Variants in NUDCD3 observed in about 807,000 individuals in gnomAD.
NUDCD3 encodes nudC domain-containing protein 3.
NUDCD3 carries 13 observed loss-of-function variants against 39.7 expected under a neutral mutation model. The observed-to-expected ratio is 0.33, with a 90% CI of 0.21 to 0.52. The LOEUF (loss-of-function observed/expected upper bound fraction) is 0.52, where lower values mean the gene tolerates loss of function less well. NUDCD3 is among the 20% of genes least tolerant of loss of function. NUDCD3 has a pLI of 0.96. For missense variants in NUDCD3, 453 were observed against 458.1 expected, an observed-to-expected ratio of 0.99 and a Z score of 0.10; for synonymous variants, 175 against 172.4, an observed-to-expected ratio of 1.02 and a Z score of -0.12.
At chr7:44,414,089 G>C (rs192570102) in intron 3 of NUDCD3, among the ~76,000 whole-genome samples, 71 of 151,834 alleles carry the variant, frequency 4.7e-4, no homozygotes, top group South Asian at 2.5e-3. Flanking sequence ...TTTCAATATA[G>C]CAACTACACT....
intron 2 of NUDCD3, among the ~76,000 whole-genome samples, chr7:44,456,038 A>AAAAAAAAAAAAAC (rs1286958345): frequency 1.6e-5 from 2 of 127,442 alleles, no homozygotes; most frequent in African/African-American, 2.9e-5. Context: ...AAAAAAAAAA[A>AAAAAAAAAAAAAC]AAAAAAAAAA....
chr7:44,404,447 C>T lies in NUDCD3; in HGVS notation c.779G>A (p.Cys260Tyr), dbSNP rs779151517. 1 of 1,613,954 alleles carries T rather than the reference C, an allele frequency of 6.2e-7. No individual in the cohort carries two copies. The highest frequency in any genetic ancestry group is 1.7e-5 in the Admixed American group (1 of 60,018). Residue 260 changes from cysteine (C) to tyrosine (Y), a missense_variant, in exon 4 of 6, where the codon TGC (cysteine) becomes TAC (tyrosine). Transcript: ENST00000355451. ...ACAGGTGCCCAAACTTACCAAAACG[C>T]ACTTCCCGGGCTCGAGACTCCAGAG... is the stretch of plus-strand genomic sequence containing the variant. ...SSLWSLEPGK[C>Y]VLVNLSKVGE...
At chr7:44,475,190 C>T (rs1404596144) in intron 2 of NUDCD3, among the ~76,000 whole-genome samples, 1 of 151,102 alleles carries the variant, frequency 6.6e-6, no homozygotes, top group Admixed American at 6.6e-5. Flanking sequence ...CAGCTCACTG[C>T]AACCCCCGCC....
chr7:44,470,552 C>T (rs781254024), intron 2 of NUDCD3, among the ~76,000 whole-genome samples: 1 of 152,204 alleles, frequency 6.6e-6, no homozygotes, highest in African/African-American at 2.4e-5. Context: ...AAACTCAGGT[C>T]ACTCCAACTA....
intron 4 of NUDCD3, among the ~76,000 whole-genome samples, chr7:44,398,617 C>T (rs775699146): frequency 2.6e-5 from 4 of 152,308 alleles, no homozygotes; most frequent in Admixed American, 6.5e-5. Context: ...CCCCAATCTG[C>T]GCTGATGACT....
chr7:44,429,695 C>T (rs1214995927), intron 2 of NUDCD3, among the ~76,000 whole-genome samples: 3 of 152,118 alleles, frequency 2.0e-5, no homozygotes, highest in Non-Finnish European at 2.9e-5. Context: ...AGGCACTAAC[C>T]AATCGGAAGA....
At chr7:44,418,231 C>T (rs184722659) in intron 3 of NUDCD3, among the ~76,000 whole-genome samples, 2 of 152,284 alleles carry the variant, frequency 1.3e-5, no homozygotes, top group African/African-American at 4.8e-5. Flanking sequence ...TGGGACTAAG[C>T]CTAGTCACCT....
rs1798379955 is a variant in NUDCD3, at chr7:44,385,167, G to T, written c.*844C>A. The T allele has an allele frequency of 6.6e-6, 1 of 152,178 alleles. No individual in the cohort carries two copies. The highest frequency in any genetic ancestry group is 2.4e-5 in the African/African-American group (1 of 41,400). 9.4% of individuals were successfully genotyped at this position (152,178 alleles called of 1,614,324 possible). On this transcript the variant is annotated 3_prime_UTR_variant, in exon 6 of 6. Transcript: ENST00000355451. ...CTGCTGAGCTGATGGACATGCTGTG[G>T]TCTCCTCCTGAGGGCACCAGCTCTC...
intron 2 of NUDCD3, among the ~76,000 whole-genome samples, chr7:44,480,342 G>T (rs1424388915): frequency 6.6e-6 from 1 of 151,792 alleles, no homozygotes. Context: ...ATATAGTAAG[G>T]GACAAAGATA....
chr7:44,483,241 G>A (rs1056169719), intron 2 of NUDCD3, among the ~76,000 whole-genome samples: 1 of 152,094 alleles, frequency 6.6e-6, no homozygotes, highest in African/African-American at 2.4e-5. Context: ...GGGGAACAAA[G>A]AATGTCTACT....
At chr7:44,420,017 T>C (rs1460536604) in intron 3 of NUDCD3, among the ~76,000 whole-genome samples, 4 of 152,060 alleles carry the variant, frequency 2.6e-5, no homozygotes, top group African/African-American at 9.7e-5. Context: ...TTGGCAGAAA[T>C]AGGCTTCAGA....
intron 1 of NUDCD3, chr7:44,485,708 G>C (rs542635389): frequency 1.2e-5 from 2 of 162,746 alleles, no homozygotes; most frequent in East Asian, 3.5e-4. Context: ...ATGGAACCAG[G>C]TTTACAGGAC....
At chr7:44,393,461 T>C (rs563948052) in intron 4 of NUDCD3, among the ~76,000 whole-genome samples, 4 of 152,202 alleles carry the variant, frequency 2.6e-5, no homozygotes, top group Admixed American at 6.5e-5. Context: ...CACCATGCCC[T>C]GTTATCAGTG....
At chr7:44,437,946 A>G (rs1386526667) in intron 2 of NUDCD3, among the ~76,000 whole-genome samples, 2 of 152,216 alleles carry the variant, frequency 1.3e-5, no homozygotes, top group Non-Finnish European at 2.9e-5. Context: ...TTTTTCTTAA[A>G]TTGTGTTATT....
chr7:44,402,381 A>C (rs561509510), intron 4 of NUDCD3, among the ~76,000 whole-genome samples: 1 of 152,348 alleles, frequency 6.6e-6, no homozygotes, highest in Non-Finnish European at 1.5e-5. Flanking sequence ...AAACGCACAC[A>C]AAAAAGAAAC....
At chr7:44,448,197 C>T (rs1355855555) in intron 2 of NUDCD3, among the ~76,000 whole-genome samples, 1 of 152,180 alleles carries the variant, frequency 6.6e-6, no homozygotes, top group South Asian at 2.1e-4. Context: ...CTTTGCTGCA[C>T]GGCTGCCTGC....
intron 3 of NUDCD3, among the ~76,000 whole-genome samples, chr7:44,415,564 A>G (rs1217204317): frequency 6.6e-6 from 1 of 152,246 alleles, no homozygotes; most frequent in Non-Finnish European, 1.5e-5. Context: ...CATTATGCAT[A>G]CACTCTTATT....
At chr7:44,417,519 C>T (rs1471006646) in intron 3 of NUDCD3, among the ~76,000 whole-genome samples, 3 of 152,140 alleles carry the variant, frequency 2.0e-5, no homozygotes, top group African/African-American at 7.2e-5. Context: ...AGAGAAAGCC[C>T]CAGGGGTTCA....
intron 4 of NUDCD3, 72 bp from the exon 5 acceptor site, chr7:44,392,557 GC>G: frequency 7.5e-7 from 1 of 1,340,508 alleles, no homozygotes; most frequent in Non-Finnish European, 1.0e-6. Flanking sequence ...ACAGAGCAGA[GC>G]CCACTGAGGG....
Sources: allele counts gnomAD v4.1 joint callset (sites outside exome capture counted in the v4.1 genomes callset), GRCh38; gene constraint gnomAD v4.1.1; transcripts MANE v1.5; gene names NCBI Gene and HGNC (gene_info 2026-07-23, HGNC 2026-07-21).